Variants in NMBR observed in about 807,000 individuals in gnomAD.
NMBR encodes neuromedin B receptor.
NMBR carries 16 observed loss-of-function variants against 20.5 expected under a neutral mutation model. The ratio of observed to expected loss-of-function variants is 0.78; its 90% confidence interval spans 0.53 to 1.19. The LOEUF (loss-of-function observed/expected upper bound fraction) is 1.19, where lower values mean the gene tolerates loss of function less well. Among genes scored for constraint, NMBR ranks in the 50% most tolerant of loss-of-function variants. NMBR has a pLI of 0.00. For missense variants in NMBR, 582 were observed against 499.1 expected (o/e 1.17, Z -1.58); for synonymous variants, 212 against 196.6 (o/e 1.08, Z -0.65).
chr6:142,100,597 C>T (rs1480787180), intron 1 of NMBR, among the ~76,000 whole-genome samples: 1 of 151,380 alleles, frequency 6.6e-6, no homozygotes, highest in African/African-American at 2.4e-5. Context: ...AGTAGTAAAA[C>T]TACTCTGTAT....
At chr6:142,138,382 A>G (rs1778300583) in intron 1 of NMBR, among the ~76,000 whole-genome samples, 1 of 152,160 alleles carries the variant, frequency 6.6e-6, no homozygotes, top group African/African-American at 2.4e-5. Flanking sequence ...TTTCACAAAT[A>G]GCTACTGATG....
At chr6:142,129,884 C>G (rs1367526723) in intron 1 of NMBR, among the ~76,000 whole-genome samples, 1 of 152,118 alleles carries the variant, frequency 6.6e-6, no homozygotes. Context: ...AACTGGGATT[C>G]AAGGACGTGA....
chr6:142,120,900 C>A (rs1454056360), intron 1 of NMBR, among the ~76,000 whole-genome samples: 1 of 151,868 alleles, frequency 6.6e-6, no homozygotes, highest in Non-Finnish European at 1.5e-5. Context: ...CTCATTTTAT[C>A]GTGTTTCATT....
In NMBR at chr6:142,100,061, A is replaced by T. The variant is rs146395022; in HGVS notation, c.-663-10740T>A. On this transcript the variant is annotated intron_variant, in intron 1 of 3. Coordinates refer to ENST00000258042, the MANE Select transcript of NMBR (RefSeq NM_002511.4). ...ACAACATTACAACTTTATTCAAAACACTGCCAACTTTAAATGCTGAGCAGG... is the reference window on the plus strand; with the variant it reads ...ACAACATTACAACTTTATTCAAAACTCTGCCAACTTTAAATGCTGAGCAGG... 4.6e-5 allele frequency among the ~76,000 whole-genome samples: 7 copies of T among 152,310 alleles called. No homozygotes were observed. In the East Asian group the frequency reaches 1.4e-3, roughly 29 times the overall value.
chr6:142,090,175 G>T (rs765513518), intron 1 of NMBR, among the ~76,000 whole-genome samples: 1 of 151,948 alleles, frequency 6.6e-6, no homozygotes, highest in Non-Finnish European at 1.5e-5. Flanking sequence ...ATCAGAAATG[G>T]TGGCTCAGTT....
At chr6:142,093,654 T>A (rs1415450338) in intron 1 of NMBR, among the ~76,000 whole-genome samples, 1 of 152,172 alleles carries the variant, frequency 6.6e-6, no homozygotes, top group African/African-American at 2.4e-5. Context: ...TTATAATCCT[T>A]TGGGTATATA....
Position 142,133,491 on chromosome 6 carries a change from G to A in NMBR, c.-664+13553C>T, listed in dbSNP as rs138633199. Among the ~76,000 whole-genome samples the A allele has an allele frequency of 3.8e-4, 58 of 152,168 alleles. No individual in the cohort carries two copies. In the East Asian group the frequency reaches 0.01, roughly 27 times the overall value. The stretch of plus-strand genomic sequence containing the variant: ...TTATTTGGTTGTTAAGATAGTGTAC[G>A]GACTGAGCTTACTACTGGATTTTTT... On this transcript the variant is annotated intron_variant, in intron 1 of 3. Transcript: ENST00000258042.
In NMBR at chr6:142,131,728, C is replaced by T. The variant is rs1329663110; in HGVS notation, c.-664+15316G>A. Among the ~76,000 whole-genome samples, 13 of 152,078 alleles carry T rather than the reference C, an allele frequency of 8.5e-5. No individual in the cohort carries two copies. In the East Asian group the frequency reaches 2.1e-3, roughly 25 times the overall value. ...AAGAGAAAGATTGGCATTATTTGGC[C>T]CTCATAGATCTCAGCAATGACAATG... On this transcript the variant is annotated intron_variant, in intron 1 of 3. Transcript: ENST00000258042.
At chr6:142,091,720 G>A (rs951915418) in intron 1 of NMBR, among the ~76,000 whole-genome samples, 33 of 152,124 alleles carry the variant, frequency 2.2e-4, no homozygotes, top group African/African-American at 7.2e-5. Context: ...TGAAATCAGT[G>A]TCTGTTATGT....
rs556643848 is a variant in NMBR at position 142,136,158 on chromosome 6, T to C, written c.-664+10886A>G. 1.4e-3 allele frequency among the ~76,000 whole-genome samples: 214 copies of C among 152,336 alleles called. 2 individuals are homozygous for C. Among genetic ancestry groups the C allele is most frequent in the African/African-American group, 4.8e-3 (198 of 41,584 alleles). ...TTCTCCACATCCTCTCCAGCATCTG[T>C]TGTTTCCTGACTTTTTAATGATTGC... On this transcript the variant is annotated intron_variant, in intron 1 of 3. Coordinates refer to ENST00000258042, the MANE Select transcript of NMBR (RefSeq NM_002511.4).
chr6:142,102,955 T>C (rs765111715), intron 1 of NMBR, among the ~76,000 whole-genome samples: 6 of 152,182 alleles, frequency 3.9e-5, no homozygotes, highest in Non-Finnish European at 8.8e-5. Context: ...TCCATGATCT[T>C]GGGGAAGAGC....
At chr6:142,094,530 A>G (rs890460946) in intron 1 of NMBR, among the ~76,000 whole-genome samples, 2 of 152,174 alleles carry the variant, frequency 1.3e-5, no homozygotes, top group Non-Finnish European at 2.9e-5. Flanking sequence ...TGGTACCAGT[A>G]CCATGCTGTT....
chr6:142,096,156 G>A (rs1291176095), intron 1 of NMBR, among the ~76,000 whole-genome samples: 1 of 152,012 alleles, frequency 6.6e-6, no homozygotes, highest in Non-Finnish European at 1.5e-5. Context: ...ATTTCCTTCA[G>A]TTCTGCTCTG....
intron 2 of NMBR, among the ~76,000 whole-genome samples, chr6:142,086,426 A>G (rs764228112): frequency 6.6e-6 from 1 of 152,152 alleles, no homozygotes; most frequent in African/African-American, 2.4e-5. Context: ...CTAGTCAACT[A>G]TTGATTGCTA....
At chr6:142,131,655 C>T (rs9484600) in intron 1 of NMBR, among the ~76,000 whole-genome samples, 39,600 of 151,938 alleles carry the variant, frequency 0.26, 5,834 homozygotes, top group East Asian at 0.68. Context: ...TTTTGGCCCA[C>T]GTATGGTTTA....
At chr6:142,114,196 A>G (rs1777814573) in intron 1 of NMBR, among the ~76,000 whole-genome samples, 1 of 152,188 alleles carries the variant, frequency 6.6e-6, no homozygotes, top group Admixed American at 6.6e-5. Context: ...GAATGAGCCC[A>G]GGTTGGAAAA....
At chr6:142,132,678 AC>A (rs1209717717) in intron 1 of NMBR, among the ~76,000 whole-genome samples, 5 of 152,222 alleles carry the variant, frequency 3.3e-5, no homozygotes, top group Non-Finnish European at 7.3e-5. Flanking sequence ...TTTCCCATGT[AC>A]TTTTCCTTTA....
At chr6:142,106,765 T>C (rs1247076902) in intron 1 of NMBR, among the ~76,000 whole-genome samples, 3 of 152,216 alleles carry the variant, frequency 2.0e-5, no homozygotes, top group African/African-American at 7.2e-5. Context: ...TAGGCCTAAA[T>C]ATTGTATTGC....
chr6:142,123,837 A>C (rs1777986440), intron 1 of NMBR, among the ~76,000 whole-genome samples: 1 of 151,984 alleles, frequency 6.6e-6, no homozygotes, highest in South Asian at 2.1e-4. Context: ...AAGAGGTGGC[A>C]CACCCATAAG....
Sources: allele counts gnomAD v4.1 joint callset (sites outside exome capture counted in the v4.1 genomes callset), GRCh38; gene constraint gnomAD v4.1.1; transcripts MANE v1.5; gene names NCBI Gene and HGNC (gene_info 2026-07-23, HGNC 2026-07-21).